The following ANKRD18A variants were observed in gnomAD, a reference collection of about 807,000 sequenced individuals.
The protein encoded by ANKRD18A is ankyrin repeat domain-containing protein 18A.
A neutral mutation model predicts 110.6 loss-of-function variants in ANKRD18A; 72 were observed. That is an observed-to-expected ratio of 0.65 (90% CI 0.54 to 0.79). The LOEUF (loss-of-function observed/expected upper bound fraction) is 0.79, where lower values mean the gene tolerates loss of function less well. Among genes scored for constraint, ANKRD18A ranks in the 30% least tolerant of loss-of-function variants. ANKRD18A has a pLI of 0.00. For missense variants in ANKRD18A, 934 were observed against 1,163.3 expected, an observed-to-expected ratio of 0.80 and a Z score of 2.87; for synonymous variants, 305 against 410.3, an observed-to-expected ratio of 0.74 and a Z score of 3.10.
intron 1 of ANKRD18A, among the ~76,000 whole-genome samples, chr9:38,616,298 C>T (rs938541161): frequency 2.2e-4 from 33 of 152,200 alleles, no homozygotes; most frequent in Middle Eastern, 3.2e-3. Context: ...AACTCGGTCA[C>T]GTACCAGCTA....
chr9:38,604,946 C>G (rs3005826), intron 6 of ANKRD18A: 1 of 162,736 alleles, frequency 6.1e-6, no homozygotes, highest in Non-Finnish European at 1.5e-5. Flanking sequence ...GTTAGATACT[C>G]TTTCTGCCAA....
At position 38,607,403 on chromosome 9, in the gene ANKRD18A, A is replaced by T. The variant is rs1160324035; in HGVS notation, c.808+23T>A. 22 of 1,457,494 alleles carry T rather than the reference A, an allele frequency of 1.5e-5. 2 individuals are homozygous for T. The South Asian group carries it at 3.0e-4, about 20-fold the overall frequency. 90.3% of individuals were successfully genotyped at this position (1,457,494 alleles called of 1,614,324 possible). ...CAGTAAGATCACCAAGGGAAATGAG[A>T]AATTTACTATCAGAAGTCTTACCTT... On this transcript the variant is annotated intron_variant, in intron 6 of 15. Coordinates refer to ENST00000399703, the MANE Select transcript of ANKRD18A (RefSeq NM_147195.4).
chr9:38,576,693 T>A (rs998485636), intron 14 of ANKRD18A, among the ~76,000 whole-genome samples: 5 of 152,138 alleles, frequency 3.3e-5, no homozygotes, highest in African/African-American at 1.2e-4. Context: ...AAAAATAAAT[T>A]AAACTCACTA....
chr9:38,585,136 A>G (rs1180181066), intron 12 of ANKRD18A, among the ~76,000 whole-genome samples: 1 of 152,150 alleles, frequency 6.6e-6, no homozygotes, highest in African/African-American at 2.4e-5. Context: ...TCCCAGATCT[A>G]GGGAAGATTA....
At chr9:38,572,377 C>T (rs1260561963) in intron 15 of ANKRD18A, 5 of 202,380 alleles carry the variant, frequency 2.5e-5, no homozygotes, top group Admixed American at 6.1e-5. Context: ...CCTAAAAGAC[C>T]GGCAGGTAAT....
chr9:38,596,704 A>C (rs1824897673), intron 8 of ANKRD18A, among the ~76,000 whole-genome samples: 1 of 152,180 alleles, frequency 6.6e-6, no homozygotes, highest in African/African-American at 2.4e-5. Context: ...CAAAGCATAA[A>C]GTTGTTAAAA....
downstream of ANKRD18A, chr9:38,567,629 T>G (rs1293573347): frequency 6.6e-6 from 1 of 152,478 alleles, no homozygotes; most frequent in Non-Finnish European, 1.5e-5. Context: ...TCCTTGTGTA[T>G]GTGGATGATG....
intron 11 of ANKRD18A, 28 bp from the exon 12 acceptor site, chr9:38,586,340 A>C: frequency 6.8e-7 from 1 of 1,473,674 alleles, no homozygotes; most frequent in East Asian, 2.5e-5. Flanking sequence ...CTAGTAAGTC[A>C]AGTATTTTTA....
intron 3 of ANKRD18A, among the ~76,000 whole-genome samples, chr9:38,612,539 A>G (rs1480768495): frequency 2.8e-5 from 2 of 72,124 alleles, no homozygotes; most frequent in Non-Finnish European, 4.9e-5. Flanking sequence ...TTTTTTGGAA[A>G]TGGGGTCTCA....
chr9:38,601,770 T>C (rs1825124960), intron 7 of ANKRD18A, among the ~76,000 whole-genome samples: 2 of 152,066 alleles, frequency 1.3e-5, no homozygotes, highest in Non-Finnish European at 2.9e-5. Context: ...GTGGGATAAC[T>C]GCTTGAAGCC....
downstream of ANKRD18A, chr9:38,569,411 T>G (rs1823558237): frequency 3.0e-6 from 3 of 985,316 alleles, no homozygotes; most frequent in Non-Finnish European, 3.6e-6. Flanking sequence ...CTGAGTCCGA[T>G]CAGTCAGCTG....
intron 14 of ANKRD18A, among the ~76,000 whole-genome samples, chr9:38,576,567 C>T (rs1484404718): frequency 1.3e-5 from 2 of 152,190 alleles, no homozygotes; most frequent in Admixed American, 6.5e-5. Flanking sequence ...TTTCTTGAGG[C>T]ACCCTCTAGT....
chr9:38,598,353 T>G (rs1824978330), intron 8 of ANKRD18A, among the ~76,000 whole-genome samples: 1 of 152,182 alleles, frequency 6.6e-6, no homozygotes, highest in Non-Finnish European at 1.5e-5. Context: ...GAACAAAGAT[T>G]ATGAGAATGT....
downstream of ANKRD18A, chr9:38,568,737 T>C (rs1823539491): frequency 2.0e-6 from 2 of 985,226 alleles, no homozygotes; most frequent in Admixed American, 6.1e-5. Flanking sequence ...GGCCAAATTC[T>C]AACTCTGGCC....
At chr9:38,616,902 T>C (rs1825881755) in intron 1 of ANKRD18A, among the ~76,000 whole-genome samples, 2 of 152,202 alleles carry the variant, frequency 1.3e-5, no homozygotes, top group Non-Finnish European at 2.9e-5. Flanking sequence ...TTCATAATTT[T>C]TATATGGTAG....
At chr9:38,583,444 C>T (rs1289079006) in intron 12 of ANKRD18A, among the ~76,000 whole-genome samples, 3 of 152,090 alleles carry the variant, frequency 2.0e-5, no homozygotes, top group African/African-American at 7.2e-5. Context: ...AGTGCAGTGG[C>T]GTGATCTCAG....
At chr9:38,568,438 C>T (rs902405188), downstream of ANKRD18A, 7 of 152,076 alleles carry the variant, frequency 4.6e-5, no homozygotes, top group African/African-American at 7.2e-5. Flanking sequence ...ACCAACCTCA[C>T]TCGCTGCCAG....
intron 12 of ANKRD18A, among the ~76,000 whole-genome samples, chr9:38,580,279 A>T (rs1824100395): frequency 6.6e-6 from 1 of 152,188 alleles, no homozygotes; most frequent in South Asian, 2.1e-4. Context: ...GCACGCCCAT[A>T]ATCCTAGCTG....
intron 10 of ANKRD18A, among the ~76,000 whole-genome samples, chr9:38,593,000 C>G (rs1303241739): frequency 6.6e-6 from 1 of 152,210 alleles, no homozygotes; most frequent in African/African-American, 2.4e-5. Flanking sequence ...TGAAAATGTT[C>G]TACCATTGAT....
Sources: gnomAD v4.1 joint callset for allele counts (sites outside exome capture counted in the v4.1 genomes callset) on GRCh38, gnomAD v4.1.1 for gene constraint, MANE v1.5 for transcripts, NCBI Gene and HGNC (gene_info 2026-07-23, HGNC 2026-07-21) for gene names.